Variants in ZNF609 observed in about 807,000 individuals in gnomAD.
ZNF609 encodes the protein zinc finger protein 609.
In ZNF609, 11 loss-of-function variants were observed where a neutral mutation model predicts 109.5. The observed-to-expected ratio is 0.10, with a 90% CI of 0.06 to 0.17. The LOEUF is 0.17. Among genes scored for constraint, ZNF609 ranks in the 10% least tolerant of loss-of-function variants. The pLI is 1.00. For missense variants in ZNF609, 1,559 were observed against 1,772.4 expected, an observed-to-expected ratio of 0.88 and a Z score of 2.16; for synonymous variants, 646 against 662.0, an observed-to-expected ratio of 0.98 and a Z score of 0.37.
intron 2 of ZNF609, among the ~76,000 whole-genome samples, chr15:64,554,742 C>G (rs1894548207): frequency 6.6e-6 from 1 of 152,028 alleles, no homozygotes; most frequent in Non-Finnish European, 1.5e-5. Flanking sequence ...TGGTATAAAC[C>G]TCACTTGATC....
At chr15:64,541,607 A>G (rs1426220441) in intron 2 of ZNF609, among the ~76,000 whole-genome samples, 1 of 151,062 alleles carries the variant, frequency 6.6e-6, no homozygotes, top group Non-Finnish European at 1.5e-5. Context: ...TTGGGAGGCC[A>G]GGGCGGGCAG....
chr15:64,495,383 G>GT (rs1218796427), intron 1 of ZNF609, among the ~76,000 whole-genome samples: 4 of 151,768 alleles, frequency 2.6e-5, no homozygotes, highest in Non-Finnish European at 5.9e-5. Flanking sequence ...ATTTCAGGTA[G>GT]TTTTTTTTGT....
At chr15:64,600,735 A>G (rs1401770724) in intron 2 of ZNF609, among the ~76,000 whole-genome samples, 1 of 151,942 alleles carries the variant, frequency 6.6e-6, no homozygotes, top group African/African-American at 2.4e-5. Flanking sequence ...AAGAAAAAAA[A>G]GAAAAATTAA....
intron 1 of ZNF609, among the ~76,000 whole-genome samples, chr15:64,463,933 C>G (rs1054841573): frequency 3.3e-5 from 5 of 152,092 alleles, no homozygotes; most frequent in Admixed American, 6.6e-5. Flanking sequence ...TTAAATTTGT[C>G]CTGATTAGAT....
chr15:64,641,052 T>C (rs994365820), intron 3 of ZNF609, among the ~76,000 whole-genome samples: 1 of 152,144 alleles, frequency 6.6e-6, no homozygotes, highest in African/African-American at 2.4e-5. Flanking sequence ...TTCCTGCCTA[T>C]AGTTTTAGCA....
intron 2 of ZNF609, among the ~76,000 whole-genome samples, chr15:64,584,897 G>A (rs962055383): frequency 6.6e-6 from 1 of 150,772 alleles, no homozygotes; most frequent in Non-Finnish European, 1.5e-5. Flanking sequence ...AAAGTGCTGG[G>A]ATTACAGGCA....
At chr15:64,528,639 C>T in intron 2 of ZNF609, 1 of 893,256 alleles carries the variant, frequency 1.1e-6, no homozygotes, top group Non-Finnish European at 1.8e-6. Flanking sequence ...TCCTCTCATG[C>T]TGTCGCTGGG....
At chr15:64,673,122 A>G (rs975465030) in intron 4 of ZNF609, among the ~76,000 whole-genome samples, 1 of 152,226 alleles carries the variant, frequency 6.6e-6, no homozygotes, top group South Asian at 2.1e-4. Context: ...GAGTAGGTTG[A>G]TAACAAGGAA....
At chr15:64,548,131 C>T (rs1894398798) in intron 2 of ZNF609, among the ~76,000 whole-genome samples, 1 of 152,168 alleles carries the variant, frequency 6.6e-6, no homozygotes, top group African/African-American at 2.4e-5. Flanking sequence ...GCAAGCTATG[C>T]TGCGATCCCT....
At chr15:64,528,845 T>C (rs116986440) in intron 2 of ZNF609, 59,649 of 855,682 alleles carry the variant, frequency 0.07, 2,560 homozygotes, top group Non-Finnish European at 0.079. Flanking sequence ...CTGGTGCTCA[T>C]TGTAGCCCAG....
intron 2 of ZNF609, among the ~76,000 whole-genome samples, chr15:64,605,401 A>G (rs1895578416): frequency 1.3e-5 from 2 of 152,212 alleles, no homozygotes; most frequent in South Asian, 2.1e-4. Context: ...CTGTATCTCC[A>G]TGAACCACTA....
chr15:64,684,248 G>C lies in ZNF609; in HGVS notation c.*2562G>C. The C allele has an allele frequency of 1.3e-5, 2 of 152,266 alleles. No homozygotes were observed. Among genetic ancestry groups the C allele is most frequent in the Non-Finnish European group, 2.9e-5 (2 of 68,102 alleles). The allele number at this position is 152,266 out of a possible 1,614,324, so 9.4% of individuals were successfully genotyped here. A position where few individuals can be genotyped will look rare whatever the true frequency, so the allele number is the denominator to read the frequency against. Reference sequence around the variant, plus strand: ...GCATCCATGACCTAGTCAGAGGGATGAGATGCTCAGCAGGGGTCCCCATCC... The same window carrying C: ...GCATCCATGACCTAGTCAGAGGGATCAGATGCTCAGCAGGGGTCCCCATCC... On this transcript the variant is annotated 3_prime_UTR_variant, in exon 10 of 10. Coordinates refer to ENST00000326648, the MANE Select transcript of ZNF609 (RefSeq NM_015042.2).
intron 2 of ZNF609, among the ~76,000 whole-genome samples, chr15:64,557,190 CTTTT>C (rs11307309): frequency 7.1e-6 from 1 of 141,614 alleles, no homozygotes. Context: ...TCTTATTCTT[CTTTT>C]TTTTTTTTTT....
intron 3 of ZNF609, among the ~76,000 whole-genome samples, chr15:64,657,673 CAG>C (rs1401754913): frequency 3.9e-5 from 6 of 152,040 alleles, no homozygotes; most frequent in African/African-American, 1.2e-4. Context: ...CCTGGATTGA[CAG>C]AGATAAAGGG....
rs558163782 is a variant in ZNF609, at chr15:64,555,371, A to G, written c.747+55205A>G. Among the ~76,000 whole-genome samples the G allele has an allele frequency of 2.8e-3, 421 of 152,146 alleles. 2 individuals are homozygous for G. Among genetic ancestry groups the G allele is most frequent in the Non-Finnish European group, 4.2e-3 (287 of 67,984 alleles). ...GACAGAGCAACACCCTGTCTCAAAA[A>G]TGAATAAATTGGGCTGGGTGCAGTG... On this transcript the variant is annotated intron_variant, in intron 2 of 9. Transcript: ENST00000326648.
intron 3 of ZNF609, among the ~76,000 whole-genome samples, chr15:64,630,065 A>G (rs1595745703): frequency 6.8e-6 from 1 of 146,796 alleles, no homozygotes; most frequent in Non-Finnish European, 1.5e-5. Flanking sequence ...TCTTCATTAC[A>G]CCTACATTAC....
chr15:64,666,161 A>G (rs1896645791), intron 3 of ZNF609, among the ~76,000 whole-genome samples: 1 of 151,940 alleles, frequency 6.6e-6, no homozygotes. Flanking sequence ...TGGGAGACCA[A>G]GTTGGGTGGA....
intron 2 of ZNF609, among the ~76,000 whole-genome samples, chr15:64,507,579 TCCAGACGGCTC>T (rs1372281392): frequency 6.6e-6 from 1 of 152,056 alleles, no homozygotes. Context: ...GCAGAAAAAA[TCCAGACGGCTC>T]CCAGCCAGCA....
chr15:64,565,015 T>C (rs1177634711), intron 2 of ZNF609, among the ~76,000 whole-genome samples: 1 of 150,594 alleles, frequency 6.6e-6, no homozygotes, highest in Non-Finnish European at 1.5e-5. Flanking sequence ...GCCTGGCTAA[T>C]TTTTTTGTAT....
Sources: allele counts gnomAD v4.1 joint callset (sites outside exome capture counted in the v4.1 genomes callset), GRCh38; gene constraint gnomAD v4.1.1; transcripts MANE v1.5; gene names NCBI Gene and HGNC (gene_info 2026-07-23, HGNC 2026-07-21).